Variants in PDE1C observed in about 807,000 individuals in gnomAD.
PDE1C encodes dual specificity calcium/calmodulin-dependent 3',5'-cyclic nucleotide phosphodiesterase 1C.
PDE1C carries 62 observed loss-of-function variants against 93.1 expected under a neutral mutation model. The ratio of observed to expected loss-of-function variants is 0.67; its 90% CI spans 0.54 to 0.82. PDE1C has a LOEUF of 0.82. Ranked by LOEUF, PDE1C falls within the 40% of genes least tolerant of loss-of-function variation. PDE1C has a pLI of 0.00. For synonymous variants in PDE1C, 325 were observed against 310.1 expected, an observed-to-expected ratio of 1.05 and a Z score of -0.50; for missense variants, 742 against 884.6, an observed-to-expected ratio of 0.84 and a Z score of 2.04.
At chr7:32,176,644 A>T (rs1330149259) in intron 2 of PDE1C, among the ~76,000 whole-genome samples, 1 of 152,104 alleles carries the variant, frequency 6.6e-6, no homozygotes, top group Non-Finnish European at 1.5e-5. Context: ...TTTTATGAAT[A>T]CAGTATCCCT....
At chr7:31,809,008 T>C in intron 16 of PDE1C, 23 bp downstream of exon 16, 3 of 1,365,896 alleles carry the variant, frequency 2.2e-6, no homozygotes, top group South Asian at 2.4e-5. Flanking sequence ...TATGGAAAAA[T>C]GTAATGAGAA....
At chr7:31,642,084 C>A in the PDE1C span, 1 of 741,404 alleles carries the variant, frequency 1.3e-6, no homozygotes, top group Non-Finnish European at 2.2e-6. Flanking sequence ...CTGCAGGATC[C>A]ATGGTGTGTC....
chr7:31,864,847 C>A, intron 7 of PDE1C, 95 bp downstream of exon 7: 1 of 1,174,678 alleles, frequency 8.5e-7, no homozygotes, highest in South Asian at 1.4e-5. Context: ...CAATGCATGA[C>A]TCGTGGCCTC....
chr7:32,275,644 A>G (rs1231698575), intron 1 of PDE1C, among the ~76,000 whole-genome samples: 3 of 151,290 alleles, frequency 2.0e-5, no homozygotes, highest in African/African-American at 2.4e-5. Flanking sequence ...AACATCAGGG[A>G]AAAAAAAATA....
At chr7:31,950,195 CT>C (rs1807176737) in intron 2 of PDE1C, among the ~76,000 whole-genome samples, 1 of 152,172 alleles carries the variant, frequency 6.6e-6, no homozygotes, top group African/African-American at 2.4e-5. Context: ...TTTATCAAAA[CT>C]CTTTACGTGG....
intron 2 of PDE1C, among the ~76,000 whole-genome samples, chr7:31,972,262 G>T (rs1454684482): frequency 6.6e-6 from 1 of 152,152 alleles, no homozygotes. Flanking sequence ...AATACATTTG[G>T]TGATTTATTC....
At chr7:32,398,312 A>AAG (rs1264870242) in intron 1 of PDE1C, among the ~76,000 whole-genome samples, 2 of 151,444 alleles carry the variant, frequency 1.3e-5, no homozygotes, top group African/African-American at 4.9e-5. Flanking sequence ...CAAAAAAAAA[A>AAG]AAAAGAAAAA....
chr7:32,424,554 G>A (rs538289591), intron 1 of PDE1C, among the ~76,000 whole-genome samples: 10 of 152,294 alleles, frequency 6.6e-5, no homozygotes, highest in African/African-American at 1.7e-4. Flanking sequence ...AGGCTGAGGC[G>A]GGTGGATCAC....
intron 2 of PDE1C, among the ~76,000 whole-genome samples, chr7:32,182,974 G>A (rs1803550278): frequency 2.0e-5 from 3 of 152,098 alleles, no homozygotes; most frequent in African/African-American, 7.2e-5. Context: ...AAATCAATGT[G>A]CAAAAATTAC....
chr7:31,937,923 A>G (rs894681422), intron 2 of PDE1C, among the ~76,000 whole-genome samples: 1 of 152,188 alleles, frequency 6.6e-6, no homozygotes, highest in East Asian at 1.9e-4. Context: ...TTTTTGTAAA[A>G]TTTGTTAACA....
At chr7:32,104,347 C>T (rs1018540106) in intron 3 of PDE1C, among the ~76,000 whole-genome samples, 108 of 152,214 alleles carry the variant, frequency 7.1e-4, no homozygotes, top group African/African-American at 2.5e-3. Context: ...AATTATAATA[C>T]AAAAACCCAA....
At chr7:32,195,718 A>T (rs1804565553) in intron 2 of PDE1C, among the ~76,000 whole-genome samples, 1 of 152,108 alleles carries the variant, frequency 6.6e-6, no homozygotes, top group Admixed American at 6.5e-5. Flanking sequence ...AATAATAATA[A>T]TGAATTTTGG....
At chr7:31,856,306 T>C (rs534511893) in intron 7 of PDE1C, among the ~76,000 whole-genome samples, 1 of 152,336 alleles carries the variant, frequency 6.6e-6, no homozygotes, top group East Asian at 1.9e-4. Flanking sequence ...TGTTTTGAGC[T>C]GCATTTCAAA....
At chr7:32,209,597 T>A in intron 1 of PDE1C, 2 of 1,405,432 alleles carry the variant, frequency 1.4e-6, no homozygotes, top group Non-Finnish European at 2.0e-6. Flanking sequence ...CCACCAAATA[T>A]GCCCCAATAC....
At chr7:32,230,195 C>T (rs1807593101) in intron 1 of PDE1C, among the ~76,000 whole-genome samples, 1 of 152,192 alleles carries the variant, frequency 6.6e-6, no homozygotes, top group Non-Finnish European at 1.5e-5. Flanking sequence ...CACAAGCCTT[C>T]CTGGCTCCCA....
At chr7:32,171,316 C>T (rs1325091790) in intron 2 of PDE1C, among the ~76,000 whole-genome samples, 2 of 151,896 alleles carry the variant, frequency 1.3e-5, no homozygotes, top group Non-Finnish European at 2.9e-5. Flanking sequence ...GACCCGTGCT[C>T]TTCAAAACAG....
chr7:32,034,014 T>C (rs1173684881), intron 2 of PDE1C, among the ~76,000 whole-genome samples: 2 of 151,594 alleles, frequency 1.3e-5, no homozygotes, highest in South Asian at 2.1e-4. Flanking sequence ...TAAAATAGAA[T>C]AGGAAAATTA....
At chr7:32,164,109 T>C (rs1339496378) in intron 3 of PDE1C, among the ~76,000 whole-genome samples, 1 of 152,238 alleles carries the variant, frequency 6.6e-6, no homozygotes, top group African/African-American at 2.4e-5. Flanking sequence ...GTGGTGGTCC[T>C]CAGACTATTG....
At chr7:31,621,165 C>T in the PDE1C span, among the ~76,000 whole-genome samples, 1 of 152,036 alleles carries the variant, frequency 6.6e-6, no homozygotes, top group East Asian at 1.9e-4. Flanking sequence ...AGAATGGAAC[C>T]AAACTGGAAA....
Sources: gnomAD v4.1 joint callset for allele counts (sites outside exome capture counted in the v4.1 genomes callset) on GRCh38, gnomAD v4.1.1 for gene constraint, MANE v1.5 for transcripts, NCBI Gene and HGNC (gene_info 2026-07-23, HGNC 2026-07-21) for gene names.